The following DNAH17 variants were observed in gnomAD, a reference collection of about 807,000 sequenced individuals.
DNAH17 encodes dynein axonemal heavy chain 17.
In DNAH17, 376 loss-of-function variants were observed where a neutral mutation model predicts 485.6. The ratio of observed to expected loss-of-function variants is 0.77; its 90% CI spans 0.71 to 0.84. The LOEUF is 0.84. DNAH17 is among the 40% of genes least tolerant of loss of function. The pLI, the probability that DNAH17 is intolerant of heterozygous loss-of-function variation, is 0.00. For missense variants in DNAH17, 6,370 were observed against 5,839.3 expected, an observed-to-expected ratio of 1.09 and a Z score of -2.96; for synonymous variants, 3,031 against 2,405.9, an observed-to-expected ratio of 1.26 and a Z score of -7.60.
At chr17:78,557,792 C>T (rs989328719) in intron 14 of DNAH17, among the ~76,000 whole-genome samples, 2 of 151,852 alleles carry the variant, frequency 1.3e-5, no homozygotes, top group African/African-American at 4.8e-5. Context: ...TTAAAATACA[C>T]ACTAATTTAA....
chr17:78,575,118 C>G (rs1459371751), intron 1 of DNAH17, 36 bp from the exon 2 acceptor site: 2 of 1,370,088 alleles, frequency 1.5e-6, no homozygotes, highest in Non-Finnish European at 2.0e-6. Flanking sequence ...CGAACTGTCT[C>G]CCGGGCTCCC....
At chr17:78,503,036 A>C (rs1187141434) in intron 31 of DNAH17, 25 bp from the exon 32 acceptor site, 7 of 1,601,882 alleles carry the variant, frequency 4.4e-6, no homozygotes, top group African/African-American at 2.7e-5. Flanking sequence ...CACGGTGACC[A>C]ATACAGCCAT....
intron 75 of DNAH17, 92 bp from the exon 76 acceptor site, chr17:78,429,392 C>T (rs1334224637): frequency 2.9e-6 from 4 of 1,393,010 alleles, no homozygotes; most frequent in Non-Finnish European, 2.0e-6. Flanking sequence ...GGCGTGGGAA[C>T]CCAGCCATTG....
At chr17:78,443,118 G>A (rs2087137298) in intron 71 of DNAH17, among the ~76,000 whole-genome samples, 2 of 152,210 alleles carry the variant, frequency 1.3e-5, no homozygotes, top group Non-Finnish European at 2.9e-5. Context: ...GTGGGTGGCT[G>A]TTTCCTTCTT....
intron 77 of DNAH17, 29 bp downstream of exon 77, chr17:78,428,496 T>A (rs1488842361): frequency 6.4e-7 from 1 of 1,564,004 alleles, no homozygotes; most frequent in African/African-American, 1.4e-5. Flanking sequence ...CCCCTTCCTC[T>A]CGCTTGGGAG....
Position 78,502,645 on chromosome 17 carries a change from A to G in DNAH17, c.5136T>C (p.Phe1712=). ...IWWTTEVGLA[F]ARLEEGYENA... is the part of the protein sequence containing the mutation. ...TTTCATAGCCTTCCTCCAGCCTGGC[A>G]AATGCCAGGCCCACCTCGGTCGTCC... The change falls in exon 33 of 81, where the codon TTT becomes TTC. Residue 1712 remains phenylalanine (F), a synonymous_variant. Coordinates refer to ENST00000389840, the MANE Select transcript of DNAH17 (RefSeq NM_173628.4). 6.2e-7 allele frequency: 1 copy of G among 1,612,716 alleles called. No individual in the cohort carries two copies. The highest frequency in any genetic ancestry group is 8.5e-7 in the Non-Finnish European group (1 of 1,179,870).
intron 24 of DNAH17, among the ~76,000 whole-genome samples, chr17:78,526,042 A>C (rs1175279193): frequency 1.3e-5 from 2 of 152,218 alleles, no homozygotes; most frequent in African/African-American, 4.8e-5. Flanking sequence ...CAAGGGCCCC[A>C]CTGGGCCCCA....
At chr17:78,560,963 C>T in intron 12 of DNAH17, 28 bp from the exon 13 acceptor site, 1 of 1,537,312 alleles carries the variant, frequency 6.5e-7, no homozygotes, top group Non-Finnish European at 8.8e-7. Flanking sequence ...AGGCGAGGCC[C>T]CACTGGATAT....
chr17:78,484,471 G>A (rs78020581), intron 48 of DNAH17, among the ~76,000 whole-genome samples: 1,713 of 152,234 alleles, frequency 0.011, 30 homozygotes, highest in African/African-American at 0.039. Flanking sequence ...AGGCTCCTCT[G>A]TGACTGCACT....
At chr17:78,527,684 T>A (rs2091116054) in intron 22 of DNAH17, among the ~76,000 whole-genome samples, 1 of 152,212 alleles carries the variant, frequency 6.6e-6, no homozygotes, top group South Asian at 2.1e-4. Context: ...CTCTATAATG[T>A]TGTCATTTCC....
chr17:78,449,148 T>C (rs1355770061), intron 69 of DNAH17, among the ~76,000 whole-genome samples: 2 of 152,162 alleles, frequency 1.3e-5, no homozygotes, highest in Admixed American at 1.3e-4. Flanking sequence ...AATTTCCTTG[T>C]GAAATTCTCC....
At chr17:78,452,805 T>C (rs764159270) in intron 65 of DNAH17, among the ~76,000 whole-genome samples, 9 of 152,106 alleles carry the variant, frequency 5.9e-5, no homozygotes, top group Non-Finnish European at 1.3e-4. Context: ...CTTGATTCTC[T>C]TCAGAGGAAA....
At chr17:78,445,093 G>C (rs1266594774) in intron 70 of DNAH17, among the ~76,000 whole-genome samples, 1 of 152,130 alleles carries the variant, frequency 6.6e-6, no homozygotes, top group East Asian at 1.9e-4. Flanking sequence ...TCTAGCTCAG[G>C]GGACGACCTT....
intron 25 of DNAH17, among the ~76,000 whole-genome samples, chr17:78,523,509 G>C (rs1166895820): frequency 6.6e-6 from 1 of 151,514 alleles, no homozygotes; most frequent in Non-Finnish European, 1.5e-5. Context: ...TGAATAACTG[G>C]ATTAAAAAAA....
chr17:78,505,458 A>G lies in DNAH17; in HGVS notation c.4804-13T>C, dbSNP rs2146736262. The G allele has an allele frequency of 1.9e-6, 3 of 1,613,932 alleles. No homozygotes were observed. Among genetic ancestry groups the G allele is most frequent in the Non-Finnish European group, 2.5e-6 (3 of 1,179,836 alleles). On this transcript the variant is annotated splice_polypyrimidine_tract_variant and intron_variant, in intron 30 of 80. Transcript: ENST00000389840. The stretch of plus-strand genomic sequence containing the variant: ...GGTGGCGGCTCACCTGGGAGGAGGC[A>G]AGAAGCGGGAATTATGCAACGGGGG...
chr17:78,521,876 G>A (rs2090943350), intron 25 of DNAH17, among the ~76,000 whole-genome samples: 1 of 151,958 alleles, frequency 6.6e-6, no homozygotes, highest in South Asian at 2.1e-4. Flanking sequence ...AATCCCAGCT[G>A]CTCGGGAGGC....
rs776624187 is a variant in DNAH17, at chr17:78,526,971, G to A, written c.3533C>T (p.Thr1178Ile). ...LQELPEHWAN[T>I]KKLAIQVKLT... ...CTTCACCTGAATGGCCAGTTTCTTG[G>A]TATTTGCCCAGTGCTCCGGCAGCTC... The change falls in exon 23 of 81, where the codon ACC becomes ATC. Residue 1178 changes from threonine to isoleucine, a missense_variant. By Grantham distance (89) the Thr-to-Ile change is moderately conservative. Coordinates refer to ENST00000389840, the MANE Select transcript of DNAH17 (RefSeq NM_173628.4). The A allele has an allele frequency of 5.5e-5, 88 of 1,586,168 alleles. No individual in the cohort carries two copies. Among genetic ancestry groups the A allele is most frequent in the Non-Finnish European group, 7.1e-5 (83 of 1,166,166 alleles).
chr17:78,431,448 A>ACT (rs1458995602), intron 75 of DNAH17, among the ~76,000 whole-genome samples: 1 of 137,486 alleles, frequency 7.3e-6, no homozygotes, highest in Non-Finnish European at 1.6e-5. Context: ...TGCTGAGGGA[A>ACT]CCCCCCACCC....
At chr17:78,485,114 C>T (rs2089540346) in intron 47 of DNAH17, 81 bp from the exon 48 acceptor site, 2 of 1,463,028 alleles carry the variant, frequency 1.4e-6, no homozygotes, top group Non-Finnish European at 9.1e-7. Flanking sequence ...CTACCTGCTT[C>T]CCCGGAGGAC....
Sources: gnomAD v4.1 joint callset for allele counts (sites outside exome capture counted in the v4.1 genomes callset) on GRCh38, gnomAD v4.1.1 for gene constraint, MANE v1.5 for transcripts, NCBI Gene and HGNC (gene_info 2026-07-23, HGNC 2026-07-21) for gene names.